Variants in LUZP1 observed in about 807,000 individuals in gnomAD.
The protein encoded by LUZP1 is leucine zipper protein 1, also known as filamin mechanobinding actin cross-linking protein.
LUZP1 carries 25 observed loss-of-function variants against 71.3 expected under a neutral mutation model. The observed-to-expected ratio is 0.35, with a 90% confidence interval of 0.26 to 0.49. The LOEUF (loss-of-function observed/expected upper bound fraction) is 0.49. LUZP1 is among the 20% of genes least tolerant of loss of function. The pLI is 0.99. For synonymous variants in LUZP1, 481 were observed against 506.4 expected, an observed-to-expected ratio of 0.95 and a Z score of 0.67; for missense variants, 1,142 against 1,300.8, an observed-to-expected ratio of 0.88 and a Z score of 1.88.
intron 2 of LUZP1, among the ~76,000 whole-genome samples, chr1:23,114,642 T>C (rs1003292667): frequency 9.9e-5 from 15 of 152,254 alleles, no homozygotes; most frequent in African/African-American, 3.6e-4. Flanking sequence ...GCCTGCCTTT[T>C]GCTCACTTCC....
At chr1:23,150,106 A>G (rs968185647) in intron 2 of LUZP1, among the ~76,000 whole-genome samples, 4 of 152,144 alleles carry the variant, frequency 2.6e-5, no homozygotes, top group African/African-American at 9.7e-5. Flanking sequence ...AAGACTCAAT[A>G]GCGAAGGTGA....
At chr1:23,174,684 A>T (rs539082648) in intron 1 of LUZP1, among the ~76,000 whole-genome samples, 2 of 152,238 alleles carry the variant, frequency 1.3e-5, no homozygotes, top group African/African-American at 2.4e-5. Flanking sequence ...AAAAAAGGCA[A>T]TAAAGATATA....
chr1:23,129,441 C>T (rs1401772537), intron 2 of LUZP1, among the ~76,000 whole-genome samples: 7 of 152,090 alleles, frequency 4.6e-5, no homozygotes, highest in African/African-American at 1.7e-4. Context: ...ATTACCCAGG[C>T]GTGGAGGCGC....
intron 2 of LUZP1, among the ~76,000 whole-genome samples, chr1:23,133,144 TCAGC>T (rs572792501): frequency 6.6e-6 from 1 of 152,358 alleles, no homozygotes; most frequent in East Asian, 1.9e-4. Flanking sequence ...ACCCAATCTT[TCAGC>T]CTTATCCTCC....
At chr1:23,119,521 C>A (rs1192401838) in intron 2 of LUZP1, among the ~76,000 whole-genome samples, 1 of 152,144 alleles carries the variant, frequency 6.6e-6, no homozygotes, top group Admixed American at 6.5e-5. Flanking sequence ...ATATCTCTTA[C>A]AACTTTTAAA....
At chr1:23,174,105 A>C (rs1644569517) in intron 1 of LUZP1, among the ~76,000 whole-genome samples, 1 of 152,176 alleles carries the variant, frequency 6.6e-6, no homozygotes. Context: ...ATGGAAGCAG[A>C]GAAGTCCCAC....
intron 2 of LUZP1, among the ~76,000 whole-genome samples, chr1:23,162,507 C>T (rs922947501): frequency 6.6e-6 from 1 of 150,420 alleles, no homozygotes; most frequent in Non-Finnish European, 1.5e-5. Flanking sequence ...GGCGTGATCT[C>T]GGCTCACTGC....
intron 2 of LUZP1, among the ~76,000 whole-genome samples, chr1:23,167,576 A>G (rs138173589): frequency 5.8e-4 from 88 of 152,296 alleles, no homozygotes; most frequent in African/African-American, 2.0e-3. Context: ...CGCAAGGGTG[A>G]GCACTGGCCT....
At position 23,094,232 on chromosome 1, in the gene LUZP1, C is replaced by T. The variant is rs1294335273; in HGVS notation, c.30G>A (p.Thr10=). ...TAAACCGCAAGTGGCGGCTGGAGGC[C>T]GTCTCCTTGTAGCTTGTAAATTCGG... is the stretch of plus-strand genomic sequence containing the variant. The change falls in exon 4 of 5, where the codon ACG becomes ACA. Residue 10 remains threonine (T), a synonymous_variant. Transcript: ENST00000302291. This position sits in a 1 kb window ranked among gnomAD's most constrained non-coding sequence, Gnocchi z 4.7. 3 of 1,612,484 alleles carry T rather than the reference C, an allele frequency of 1.9e-6. No individual in the cohort carries two copies. Among genetic ancestry groups the T allele is most frequent in the Non-Finnish European group, 1.7e-6 (2 of 1,179,356 alleles).
intron 1 of LUZP1, among the ~76,000 whole-genome samples, chr1:23,169,362 G>C (rs1644537557): frequency 6.6e-6 from 1 of 152,088 alleles, no homozygotes; most frequent in South Asian, 2.1e-4. Context: ...AGAAAAAAGC[G>C]GGACACTCTC....
intron 1 of LUZP1, among the ~76,000 whole-genome samples, chr1:23,172,148 G>T (rs79418065): frequency 0.034 from 5,116 of 152,250 alleles, 353 homozygotes; most frequent in Admixed American, 0.16. Context: ...TATAGTGGTT[G>T]CTGTTACTAT....
At chr1:23,089,739 C>T (rs189119628) in intron 4 of LUZP1, among the ~76,000 whole-genome samples, 143 of 149,060 alleles carry the variant, frequency 9.6e-4, no homozygotes, top group Non-Finnish European at 1.4e-3. Context: ...ATTACAAGCA[C>T]GCACCACCAC....
chr1:23,158,721 C>T (rs565865282), intron 2 of LUZP1, among the ~76,000 whole-genome samples: 1 of 144,780 alleles, frequency 6.9e-6, no homozygotes, highest in South Asian at 2.2e-4. Flanking sequence ...AATCCCAGCA[C>T]TTTGGGAGGC....
At chr1:23,090,943 C>G in intron 4 of LUZP1, 1 of 718,382 alleles carries the variant, frequency 1.4e-6, no homozygotes, top group Non-Finnish European at 2.6e-6. Flanking sequence ...TTTTATGTCA[C>G]CTTCATATAC....
At chr1:23,138,659 G>A (rs1401390521) in intron 2 of LUZP1, among the ~76,000 whole-genome samples, 1 of 113,626 alleles carries the variant, frequency 8.8e-6, no homozygotes, top group East Asian at 2.8e-4. Flanking sequence ...TATGGATTAT[G>A]TGTTTGTGTG....
intron 2 of LUZP1, among the ~76,000 whole-genome samples, chr1:23,159,257 C>T (rs56043752): frequency 0.17 from 26,526 of 151,792 alleles, 2,421 homozygotes; most frequent in Middle Eastern, 0.29. Flanking sequence ...AGGAGAATGG[C>T]GTGAACCCGG....
At chr1:23,139,015 AAAAAATATATAT>A (rs1644280221) in intron 2 of LUZP1, among the ~76,000 whole-genome samples, 1 of 92,748 alleles carries the variant, frequency 1.1e-5, no homozygotes, top group East Asian at 3.0e-4. Flanking sequence ...AAAAAAAAAA[AAAAAATATATAT>A]ATATATATAT....
chr1:23,174,696 A>G (rs946529149), intron 1 of LUZP1, among the ~76,000 whole-genome samples: 2 of 152,224 alleles, frequency 1.3e-5, no homozygotes, highest in Admixed American at 6.5e-5. Context: ...AAAGATATAC[A>G]TAAAAAGAAA....
At chr1:23,095,538 G>A (rs1643887723) in intron 3 of LUZP1, among the ~76,000 whole-genome samples, 1 of 152,196 alleles carries the variant, frequency 6.6e-6, no homozygotes, top group African/African-American at 2.4e-5. Flanking sequence ...CCAGAACCAA[G>A]GAGTTTGGGT....
Sources: gnomAD v4.1 joint callset for allele counts (sites outside exome capture counted in the v4.1 genomes callset) on GRCh38, gnomAD v4.1.1 for gene constraint, Gnocchi (gnomAD v3.1) non-coding constraint, MANE v1.5 for transcripts, NCBI Gene and HGNC (gene_info 2026-07-23, HGNC 2026-07-21) for gene names.